TBK1: variants seen among roughly 807,000 people sequenced by gnomAD.
The protein encoded by TBK1 is serine/threonine-protein kinase TBK1.
Under a neutral mutation model 99.9 loss-of-function variants are expected in TBK1, and 37 were observed. The ratio of observed to expected loss-of-function variants is 0.37; its 90% CI spans 0.28 to 0.49. The LOEUF is 0.49. Among genes scored for constraint, TBK1 ranks in the 20% least tolerant of loss-of-function variants. The pLI is 0.98. For missense variants in TBK1, 644 were observed against 872.5 expected, an observed-to-expected ratio of 0.74 and a Z score of 3.30; for synonymous variants, 258 against 279.8, an observed-to-expected ratio of 0.92 and a Z score of 0.78.
At chr12:64,468,160 C>T (rs747795364) in intron 5 of TBK1, among the ~76,000 whole-genome samples, 26 of 151,854 alleles carry the variant, frequency 1.7e-4, no homozygotes, top group Non-Finnish European at 2.2e-4. Context: ...TGCAATCTGG[C>T]CTGGGCTATA....
At chr12:64,457,166 C>T (rs546545117) in intron 2 of TBK1, among the ~76,000 whole-genome samples, 50 of 152,256 alleles carry the variant, frequency 3.3e-4, no homozygotes, top group African/African-American at 1.1e-3. Flanking sequence ...TTGAGACTAC[C>T]AGTCAGTTCT....
chr12:64,488,914 C>T (rs2040843611), intron 12 of TBK1, among the ~76,000 whole-genome samples: 1 of 152,202 alleles, frequency 6.6e-6, no homozygotes. Context: ...ATCGCTTGAA[C>T]CCAGAAGGCA....
At chr12:64,493,720 C>T (rs985610352) in intron 13 of TBK1, among the ~76,000 whole-genome samples, 9 of 152,168 alleles carry the variant, frequency 5.9e-5, no homozygotes, top group African/African-American at 1.9e-4. Flanking sequence ...GACCCCACCT[C>T]GGATGTGTTG....
chr12:64,488,443 A>AT, intron 11 of TBK1, 44 bp from the exon 12 acceptor site: 5 of 1,235,304 alleles, frequency 4.0e-6, no homozygotes, highest in Non-Finnish European at 5.6e-6. Context: ...GATAGAAAAA[A>AT]TAACTCCTTA....
chr12:64,496,889 A>G, intron 16 of TBK1, 60 bp from the exon 17 acceptor site: 1 of 1,161,776 alleles, frequency 8.6e-7, no homozygotes, highest in Non-Finnish European at 1.2e-6. Context: ...GAAAATTTCT[A>G]AATATTGAAA....
chr12:64,458,593 TA>T (rs2040514873), intron 2 of TBK1, among the ~76,000 whole-genome samples: 1 of 151,862 alleles, frequency 6.6e-6, no homozygotes, highest in African/African-American at 2.4e-5. Flanking sequence ...TGTAGGTGAA[TA>T]AAGGGAAAAT....
intron 1 of TBK1, among the ~76,000 whole-genome samples, chr12:64,454,620 T>G (rs1277074284): frequency 1.3e-5 from 2 of 152,128 alleles, no homozygotes; most frequent in African/African-American, 4.8e-5. Context: ...AATGTTTTTT[T>G]TTTCAAAGCT....
At chr12:64,481,681 T>C (rs1322249443) in intron 7 of TBK1, among the ~76,000 whole-genome samples, 161 bp from the exon 8 acceptor site, 1 of 152,224 alleles carries the variant, frequency 6.6e-6, no homozygotes, top group Admixed American at 6.5e-5. Context: ...AAATGAAGGT[T>C]ACCTAGCTTT....
At chr12:64,467,447 G>C (rs888855198) in intron 5 of TBK1, among the ~76,000 whole-genome samples, 6 of 151,890 alleles carry the variant, frequency 4.0e-5, no homozygotes, top group Non-Finnish European at 8.8e-5. Context: ...TGGGGGAGTT[G>C]GTTATTGAAT....
intron 8 of TBK1, among the ~76,000 whole-genome samples, chr12:64,482,470 T>C (rs1332087148): frequency 6.6e-6 from 1 of 152,174 alleles, no homozygotes; most frequent in Non-Finnish European, 1.5e-5. Context: ...TTAAAGCACC[T>C]GGCTCCGGAA....
intron 4 of TBK1, 54 bp from the exon 5 acceptor site, chr12:64,466,847 A>C (rs1220506995): frequency 8.8e-6 from 12 of 1,367,564 alleles, no homozygotes; most frequent in Non-Finnish European, 1.2e-5. Context: ...TGAGACATGC[A>C]CACATACACG....
At position 64,497,748 on chromosome 12, in the gene TBK1, C is replaced by T; in HGVS notation, c.2060C>T (p.Thr687Ile). The change falls in exon 19 of 21, where the codon ACT (threonine) becomes ATT (isoleucine). Residue 687 changes from threonine (T) to isoleucine (I), a missense_variant. Transcript: ENST00000331710. The stretch of plus-strand genomic sequence containing the variant: ...AGTTCTAACACATTAGTAGAAATGA[C>T]TCTTGGGTAAGAAACTCATCATTTG... ...YPSSNTLVEMTLGMKKLKEEM... is the reference protein window; with the variant it reads ...YPSSNTLVEMILGMKKLKEEM... The T allele has an allele frequency of 6.3e-7, 1 of 1,594,512 alleles. No individual in the cohort carries two copies. Among genetic ancestry groups the T allele is most frequent in the South Asian group, 1.1e-5 (1 of 87,198 alleles).
At chr12:64,487,113 T>C (rs1296894284) in intron 11 of TBK1, among the ~76,000 whole-genome samples, 1 of 152,250 alleles carries the variant, frequency 6.6e-6, no homozygotes, top group African/African-American at 2.4e-5. Flanking sequence ...AAGATGGATG[T>C]AATTTTTACC....
In TBK1 at chr12:64,467,612, ATATACT is replaced by A. The variant is rs534864188; in HGVS notation, c.540+533_540+538del. ...GTAAATATTTGAAATACTTAAGAAA[ATATACT>A]TAAAAGTAAATACTTTTAACATGTA... is the stretch of plus-strand genomic sequence containing the variant. On this transcript the variant is annotated intron_variant, in intron 5 of 20. Transcript: ENST00000331710. Among the ~76,000 whole-genome samples the A allele has an allele frequency of 3.7e-4, 57 of 152,292 alleles. 2 individuals carry two copies. The East Asian group carries it at 9.4e-3, about 25-fold the overall frequency.
At chr12:64,484,999 A>G (rs148774714) in intron 9 of TBK1, among the ~76,000 whole-genome samples, 1 of 152,346 alleles carries the variant, frequency 6.6e-6, no homozygotes, top group African/African-American at 2.4e-5. Context: ...GTGTTTTGCT[A>G]ACACTCAAAA....
At chr12:64,496,114 C>CA (rs906675608) in intron 15 of TBK1, among the ~76,000 whole-genome samples, 3 of 151,838 alleles carry the variant, frequency 2.0e-5, no homozygotes, top group Non-Finnish European at 4.4e-5. Context: ...TCCCATTTCT[C>CA]AAAAAAAGCT....
At position 64,485,385 on chromosome 12, in the gene TBK1, T is replaced by C. The variant is rs11175411; in HGVS notation, c.1190-70T>C. 0.13 allele frequency: 84,962 copies of C among 669,516 alleles called. 6,757 individuals are homozygous for C. The highest frequency in any genetic ancestry group is 0.31 in the East Asian group (9,751 of 31,616). The allele number at this position is 669,516 out of a possible 1,614,324, so 41.5% of individuals were successfully genotyped here. On this transcript the variant is annotated intron_variant, in intron 9 of 20. Coordinates refer to ENST00000331710, the MANE Select transcript of TBK1 (RefSeq NM_013254.4). ...TAATGTTTAATTTAGACATTGTGTT[T>C]GCTCTATAAAGGATAAAGTGATTTT...
chr12:64,497,419 A>G (rs2040939517), intron 18 of TBK1, among the ~76,000 whole-genome samples, 160 bp downstream of exon 18: 1 of 152,212 alleles, frequency 6.6e-6, no homozygotes, highest in South Asian at 2.1e-4. Flanking sequence ...ATGTTTTACA[A>G]CTAAAAACAG....
intron 1 of TBK1, among the ~76,000 whole-genome samples, chr12:64,453,423 A>G (rs1451076940): frequency 6.6e-6 from 1 of 152,200 alleles, no homozygotes; most frequent in Non-Finnish European, 1.5e-5. Context: ...GTGAAATGTA[A>G]TGACTGGCAA....
Sources: gnomAD v4.1 joint callset for allele counts (sites outside exome capture counted in the v4.1 genomes callset) on GRCh38, gnomAD v4.1.1 for gene constraint, MANE v1.5 for transcripts, NCBI Gene and HGNC (gene_info 2026-07-23, HGNC 2026-07-21) for gene names.